WHR1: variants seen among roughly 807,000 people sequenced by gnomAD.
WHR1 encodes winged helix repair factor 1, also known as MHC class III HLA-RP1.
the WHR1 span, among the ~76,000 whole-genome samples, chr6:31,974,506 C>T: frequency 6.6e-6 from 1 of 152,132 alleles, no homozygotes; most frequent in Non-Finnish European, 1.5e-5. Context: ...TAGCTTGAAA[C>T]CAAAAGTTTG....
At chr6:31,971,419 T>G in the WHR1 span, 7 of 1,608,950 alleles carry the variant, frequency 4.4e-6, no homozygotes, top group Non-Finnish European at 6.0e-6. This position sits in a 1 kb window ranked among gnomAD's most constrained non-coding sequence, Gnocchi z 4.5. Context: ...CGGGTATCCG[T>G]CTCTGAGGTC....
chr6:31,971,202 C>A, the WHR1 span: 3 of 1,583,264 alleles, frequency 1.9e-6, no homozygotes, highest in African/African-American at 4.0e-5. This position sits in a 1 kb window ranked among gnomAD's most constrained non-coding sequence, Gnocchi z 4.5. Context: ...GTGAGATGCT[C>A]CCCTCGAAGA....
At chr6:31,972,476 G>A in the WHR1 span, 1 of 1,612,842 alleles carries the variant, frequency 6.2e-7, no homozygotes, top group Admixed American at 1.7e-5. The surrounding 1 kb of genome is among the most constrained non-coding windows in gnomAD (Gnocchi z 6.3). Flanking sequence ...CGGAAGCGAG[G>A]GCCTGTGGAG....
chr6:31,977,830 G>A, the WHR1 span, among the ~76,000 whole-genome samples: 1 of 151,794 alleles, frequency 6.6e-6, no homozygotes, highest in South Asian at 2.1e-4. Context: ...GTCTCACTCT[G>A]TCACCCAGGC....
At chr6:31,976,827 C>T in the WHR1 span, among the ~76,000 whole-genome samples, 3 of 152,238 alleles carry the variant, frequency 2.0e-5, no homozygotes, top group Admixed American at 6.5e-5. Flanking sequence ...GGATCACTCG[C>T]GGTTAGGAGC....
chr6:31,971,307 A>G, the WHR1 span: 1 of 1,538,504 alleles, frequency 6.5e-7, no homozygotes, highest in East Asian at 2.3e-5. This position sits in a 1 kb window ranked among gnomAD's most constrained non-coding sequence, Gnocchi z 4.5. Context: ...ACTGCCTACC[A>G]CGCTTTGCTC....
the WHR1 span, chr6:31,978,993 A>G: frequency 6.2e-7 from 1 of 1,612,140 alleles, no homozygotes; most frequent in Non-Finnish European, 8.5e-7. Flanking sequence ...GGACTACAGG[A>G]CCAGAGTATG....
At chr6:31,971,871 C>T in the WHR1 span, 2 of 1,439,290 alleles carry the variant, frequency 1.4e-6, no homozygotes, top group Non-Finnish European at 1.9e-6. This position sits in a 1 kb window ranked among gnomAD's most constrained non-coding sequence, Gnocchi z 4.5. Flanking sequence ...CCCTCCAGGT[C>T]CTCCAAATGC....
the WHR1 span, chr6:31,980,270 A>G: frequency 3.0e-5 from 17 of 563,908 alleles, no homozygotes; most frequent in Admixed American, 3.1e-4. Context: ...GGAACAAGCA[A>G]CTGCACCAAC....
the WHR1 span, chr6:31,972,156 T>A: frequency 2.5e-5 from 40 of 1,612,672 alleles, no homozygotes; most frequent in Middle Eastern, 4.9e-4. This position sits in a 1 kb window ranked among gnomAD's most constrained non-coding sequence, Gnocchi z 6.3. Flanking sequence ...CGGGCGTGCG[T>A]GCCCTTGGAG....
At chr6:31,972,441 G>T in the WHR1 span, 1 of 1,613,040 alleles carries the variant, frequency 6.2e-7, no homozygotes, top group Non-Finnish European at 8.5e-7. The surrounding 1 kb of genome is among the most constrained non-coding windows in gnomAD (Gnocchi z 6.3). Flanking sequence ...ACCTGATCCC[G>T]GAGACCTTTG....
chr6:31,972,474 A>G, the WHR1 span: 1 of 1,612,914 alleles, frequency 6.2e-7, no homozygotes, highest in Non-Finnish European at 8.5e-7. This position sits in a 1 kb window ranked among gnomAD's most constrained non-coding sequence, Gnocchi z 6.3. Context: ...GGCGGAAGCG[A>G]GGGCCTGTGG....
chr6:31,975,734 C>T, the WHR1 span, among the ~76,000 whole-genome samples: 1 of 152,084 alleles, frequency 6.6e-6, no homozygotes. Context: ...CCACCTTTTC[C>T]CGCTTTCTAG....
chr6:31,972,349 C>G, the WHR1 span: 4 of 1,613,110 alleles, frequency 2.5e-6, no homozygotes, highest in Non-Finnish European at 3.4e-6. The surrounding 1 kb of genome is among the most constrained non-coding windows in gnomAD (Gnocchi z 6.3). Flanking sequence ...GCCGGAAGAC[C>G]CTATTTTCAG....
the WHR1 span, among the ~76,000 whole-genome samples, chr6:31,977,512 T>G: frequency 1.5e-4 from 21 of 142,280 alleles, no homozygotes; most frequent in South Asian, 3.4e-3. Context: ...TGGCTAATTG[T>G]TTTTTTTTTT....
At chr6:31,978,929 C>G in the WHR1 span, 4 of 1,612,666 alleles carry the variant, frequency 2.5e-6, no homozygotes, top group Middle Eastern at 1.6e-4. Context: ...AGGGGGAGAT[C>G]AGAATCGTCC....
At chr6:31,971,405 G>C in the WHR1 span, 3 of 1,601,502 alleles carry the variant, frequency 1.9e-6, no homozygotes, top group Admixed American at 1.7e-5. This position sits in a 1 kb window ranked among gnomAD's most constrained non-coding sequence, Gnocchi z 4.5. Flanking sequence ...GGCTGGTATC[G>C]ATCCGGGTAT....
the WHR1 span, chr6:31,980,371 G>A: frequency 2.3e-6 from 3 of 1,314,888 alleles, no homozygotes; most frequent in Non-Finnish European, 3.1e-6. Context: ...CTGGAGACTT[G>A]TGTAAACATT....
chr6:31,978,277 C>A, the WHR1 span, among the ~76,000 whole-genome samples: 2 of 152,046 alleles, frequency 1.3e-5, no homozygotes, highest in African/African-American at 2.4e-5. Context: ...TAGGTGTCTG[C>A]CCCCACGCCT....
Sources: allele counts gnomAD v4.1 joint callset (sites outside exome capture counted in the v4.1 genomes callset), GRCh38; gene constraint gnomAD v4.1.1; non-coding constraint Gnocchi (gnomAD v3.1); transcripts MANE v1.5; gene names NCBI Gene and HGNC (gene_info 2026-07-23, HGNC 2026-07-21).